HK1: variants seen among roughly 807,000 people sequenced by gnomAD.
HK1 encodes hexokinase 1, also known as hexokinase-1.
In HK1, 28 loss-of-function variants were observed where a neutral mutation model predicts 91.6. The observed-to-expected ratio is 0.31, with a 90% CI of 0.23 to 0.42. HK1 has a LOEUF of 0.42. Among genes scored for constraint, HK1 ranks in the 10% least tolerant of loss-of-function variants. The pLI is 1.00. For synonymous variants in HK1, 430 were observed against 468.1 expected (o/e 0.92, Z 1.05); for missense variants, 770 against 1,219.8 (o/e 0.63, Z 5.49).
chr10:69,318,906 G>T lies in HK1; in HGVS notation c.-42G>T, dbSNP rs752886935. On this transcript the variant is annotated 5_prime_UTR_variant, in exon 1 of 18. Coordinates refer to ENST00000359426, the MANE Select transcript of HK1 (RefSeq NM_000188.3). ...CGGCTCGCCAGGGCTGCGGAGGACC[G>T]ACCGTCCCCACGCCTGCCGCCCCGC... The T allele has an allele frequency of 5.8e-6, 9 of 1,553,250 alleles. No homozygotes were observed. The African/African-American group carries it at 1.1e-4, about 19-fold the overall frequency.
intron 2 of HK1, among the ~76,000 whole-genome samples, chr10:69,285,161 G>A (rs1016658109): frequency 6.6e-6 from 1 of 152,062 alleles, no homozygotes; most frequent in Non-Finnish European, 1.5e-5. Context: ...CAGGCCGGGC[G>A]CGGTGGCTCA....
In HK1 at chr10:69,300,878, G is replaced by A. The variant is rs906221; in HGVS notation, c.27+17G>A. Reference sequence around the variant, plus strand: ...CATGATTTTGTACGTAGAAAATCCTGGAATACCCACAAAAACCTATTAGAA... The same window carrying A: ...CATGATTTTGTACGTAGAAAATCCTAGAATACCCACAAAAACCTATTAGAA... On this transcript the variant is annotated intron_variant, in intron 5 of 21. Coordinates refer to the HK1 transcript ENST00000360289. 1,217,812 of 1,335,008 alleles carry A rather than the reference G, an allele frequency of 0.91. 556,048 individuals carry two copies. The highest frequency in any genetic ancestry group is 0.99 in the East Asian group (42,948 of 43,198). The allele number at this position is 1,335,008 out of a possible 1,614,324, so 82.7% of individuals were successfully genotyped here. A position where few individuals can be genotyped will look rare whatever the true frequency, so the allele number is the denominator to read the frequency against.
rs189148778 is a variant in HK1 at position 69,379,219 on chromosome 10, C to A, written c.1032-643C>A. 5.5e-3 allele frequency among the ~76,000 whole-genome samples: 838 copies of A among 152,010 alleles called. 8 individuals are homozygous for A. The highest frequency in any genetic ancestry group is 0.019 in the African/African-American group (783 of 41,450). On this transcript the variant is annotated intron_variant, in intron 8 of 17. Transcript: ENST00000359426. ...ATACAGAAGTCAACTGTATTTCTAT[C>A]AGCAATAATAAAAATATGTACATAT...
chr10:69,291,674 T>A (rs1000973935), intron 3 of HK1, among the ~76,000 whole-genome samples: 10 of 152,156 alleles, frequency 6.6e-5, no homozygotes, highest in African/African-American at 2.4e-4. Context: ...GGTGTGTGAC[T>A]CCAACCCTAT....
intron 1 of HK1, among the ~76,000 whole-genome samples, chr10:69,333,604 G>T (rs1038283617): frequency 1.1e-4 from 17 of 152,030 alleles, no homozygotes; most frequent in African/African-American, 3.6e-4. Flanking sequence ...AGGAAGAGGG[G>T]GCCAAGGGAA....
At chr10:69,374,546 T>C (rs1217520954) in intron 7 of HK1, among the ~76,000 whole-genome samples, 1 of 152,250 alleles carries the variant, frequency 6.6e-6, no homozygotes, top group Non-Finnish European at 1.5e-5. Context: ...TTAATTTCAC[T>C]TGAGCAGATG....
chr10:69,275,096 T>C (rs1844367195), intron 1 of HK1, among the ~76,000 whole-genome samples: 1 of 152,056 alleles, frequency 6.6e-6, no homozygotes, highest in Non-Finnish European at 1.5e-5. Flanking sequence ...CTAATTGCTA[T>C]AGTGGACACA....
intron 2 of HK1, among the ~76,000 whole-genome samples, chr10:69,347,080 A>G (rs1848596084): frequency 6.6e-6 from 1 of 151,230 alleles, no homozygotes; most frequent in Non-Finnish European, 1.5e-5. Flanking sequence ...TCTGTTGCCC[A>G]GGCTGGAGTG....
chr10:69,365,984 C>T (rs1849680786), intron 4 of HK1, among the ~76,000 whole-genome samples: 2 of 152,224 alleles, frequency 1.3e-5, no homozygotes, highest in Middle Eastern at 3.4e-3. Flanking sequence ...GTGCCCACCA[C>T]CATGTCCGGC....
rs759353185 is a variant in HK1 at position 69,384,316 on chromosome 10, G to A, written c.1571-17G>A. 31 of 1,614,078 alleles carry A rather than the reference G, an allele frequency of 1.9e-5. No individual in the cohort carries two copies. The highest frequency in any genetic ancestry group is 2.7e-5 in the African/African-American group (2 of 74,936). ...CTTAGCTGTTTTTGACATTCTTTAC[G>A]CTTTTGACTGCAACAGAGAATGGTG... On this transcript the variant is annotated splice_polypyrimidine_tract_variant and intron_variant, in intron 10 of 17. Coordinates refer to ENST00000359426, the MANE Select transcript of HK1 (RefSeq NM_000188.3).
intron 3 of HK1, among the ~76,000 whole-genome samples, chr10:69,290,632 G>A (rs979574138): frequency 1.3e-5 from 2 of 152,136 alleles, no homozygotes; most frequent in African/African-American, 2.4e-5. Context: ...CCCAGTAGCC[G>A]GGATTACAGG....
At position 69,338,700 on chromosome 10, in the gene HK1, TG is replaced by T; in HGVS notation, c.64-5126del. ...ATGTGAGTGTGTGTGTGTGTGTGTG[TG>T]TGTGTGTGTAAGTACTTGTGTGTGT... On this transcript the variant is annotated intron_variant, in intron 1 of 17. Coordinates refer to ENST00000359426, the MANE Select transcript of HK1 (RefSeq NM_000188.3). The T allele has an allele frequency of 3.1e-6, 4 of 1,274,958 alleles. No individual in the cohort carries two copies. The Admixed American group carries it at 9.3e-5, about 30-fold the overall frequency. 79.0% of individuals were successfully genotyped at this position (1,274,958 alleles called of 1,614,324 possible).
In HK1 at chr10:69,401,600, C is replaced by A. The variant is rs2132989948; in HGVS notation, c.*465C>A. The A allele has an allele frequency of 2.5e-6, 1 of 398,864 alleles. No individual in the cohort carries two copies. The highest frequency in any genetic ancestry group is 3.2e-5 in the Admixed American group (1 of 31,000). The allele number at this position is 398,864 out of a possible 1,614,324, so 24.7% of individuals were successfully genotyped here. ...GGCACTGCCTGAAGGCGAGTGTGGG[C>A]ATAGCATTAGCTGCTTCCTCCCCTC... On this transcript the variant is annotated 3_prime_UTR_variant, in exon 18 of 18. Coordinates refer to ENST00000359426, the MANE Select transcript of HK1 (RefSeq NM_000188.3).
chr10:69,280,201 T>A (rs1046204305), intron 1 of HK1, among the ~76,000 whole-genome samples: 1 of 152,054 alleles, frequency 6.6e-6, no homozygotes, highest in Non-Finnish European at 1.5e-5. Context: ...AAGCTCCGCC[T>A]CCTGGGCTCA....
chr10:69,303,115 A>G (rs1209837386), intron 5 of HK1, among the ~76,000 whole-genome samples: 1 of 152,144 alleles, frequency 6.6e-6, no homozygotes, highest in Non-Finnish European at 1.5e-5. Flanking sequence ...AGTAACAGAA[A>G]ACTCCAAAAT....
At chr10:69,376,248 A>AAC (rs1387187901) in intron 7 of HK1, among the ~76,000 whole-genome samples, 6 of 152,148 alleles carry the variant, frequency 3.9e-5, no homozygotes, top group African/African-American at 1.4e-4. Flanking sequence ...AAGTTCTTTG[A>AAC]AAAGTATAGC....
intron 15 of HK1, among the ~76,000 whole-genome samples, chr10:69,393,668 G>A (rs1206127390): frequency 6.6e-6 from 1 of 152,202 alleles, no homozygotes; most frequent in Non-Finnish European, 1.5e-5. Context: ...ATAAAGAGAT[G>A]GTAACTAAAA....
intron 4 of HK1, among the ~76,000 whole-genome samples, chr10:69,299,341 GTTTGTTTGTTTGTGGTT>G (rs1845729111): frequency 1.4e-5 from 2 of 147,228 alleles, no homozygotes; most frequent in Non-Finnish European, 3.0e-5. Context: ...CCATTTTTTT[GTTTGTTTGTTTGTGGTT>G]TTTGTTTGTT....
At chr10:69,382,111 T>G (rs1317326471) in intron 9 of HK1, among the ~76,000 whole-genome samples, 1 of 152,248 alleles carries the variant, frequency 6.6e-6, no homozygotes, top group Non-Finnish European at 1.5e-5. Context: ...GGAATTAGGC[T>G]GGGCACAGTG....
Sources: gnomAD v4.1 joint callset for allele counts (sites outside exome capture counted in the v4.1 genomes callset) on GRCh38, gnomAD v4.1.1 for gene constraint, MANE v1.5 for transcripts, NCBI Gene and HGNC (gene_info 2026-07-23, HGNC 2026-07-21) for gene names.